The following GRIK2 variants were observed in gnomAD, a reference collection of about 807,000 sequenced individuals.
The protein encoded by GRIK2 is glutamate ionotropic receptor kainate type subunit 2, also known as glutamate receptor ionotropic, kainate 2.
In GRIK2, 32 loss-of-function variants were observed where a neutral mutation model predicts 100.3. The observed-to-expected ratio is 0.32, with a 90% CI of 0.24 to 0.43. The LOEUF is 0.43. GRIK2 is among the 20% of genes least tolerant of loss of function. The pLI is 1.00. For synonymous variants in GRIK2, 417 were observed against 389.4 expected (o/e 1.07, Z -0.83); for missense variants, 843 against 1,114.9 (o/e 0.76, Z 3.47).
chr6:101,949,802 C>T lies in GRIK2; in HGVS notation c.2085+21170C>T, dbSNP rs564207183. Among the ~76,000 whole-genome samples the T allele has an allele frequency of 4.6e-5, 7 of 152,240 alleles. No homozygotes were observed. The South Asian group carries it at 1.4e-3, about 32-fold the overall frequency. On this transcript the variant is annotated intron_variant, in intron 14 of 16. Coordinates refer to ENST00000369134, the MANE Select transcript of GRIK2 (RefSeq NM_021956.5). Reference sequence around the variant, plus strand: ...CAAGTCTTTGCTATTGTGAATAGTGCTGCAATAAACATGAGTGTACATGTG... The same window carrying T: ...CAAGTCTTTGCTATTGTGAATAGTGTTGCAATAAACATGAGTGTACATGTG...
intron 2 of GRIK2, among the ~76,000 whole-genome samples, chr6:101,486,043 T>C (rs1772808549): frequency 6.6e-6 from 1 of 152,030 alleles, no homozygotes; most frequent in African/African-American, 2.4e-5. Flanking sequence ...ATTCAATCAA[T>C]CAACCTTTTA....
chr6:101,707,673 A>T (rs1234998857), intron 7 of GRIK2, among the ~76,000 whole-genome samples: 2 of 149,186 alleles, frequency 1.3e-5, no homozygotes, highest in African/African-American at 2.5e-5. Context: ...TGCAAGCGGG[A>T]AAAGAGTGAC....
At chr6:102,001,715 C>G (rs1383036846) in intron 14 of GRIK2, among the ~76,000 whole-genome samples, 1 of 151,946 alleles carries the variant, frequency 6.6e-6, no homozygotes, top group Non-Finnish European at 1.5e-5. Context: ...TCGTGTAGTG[C>G]TACTGCTTCA....
intron 12 of GRIK2, among the ~76,000 whole-genome samples, chr6:101,909,088 G>A (rs1175075098): frequency 6.6e-6 from 1 of 150,974 alleles, no homozygotes; most frequent in African/African-American, 2.4e-5. Context: ...AAACACAAAG[G>A]TTATTCTGTA....
chr6:101,514,075 A>C (rs561783656), intron 2 of GRIK2, among the ~76,000 whole-genome samples: 1 of 152,292 alleles, frequency 6.6e-6, no homozygotes, highest in African/African-American at 2.4e-5. Context: ...AGTTGAGCAC[A>C]GCCCTAAGTA....
intron 14 of GRIK2, among the ~76,000 whole-genome samples, chr6:101,982,913 A>G (rs1194007827): frequency 6.6e-6 from 1 of 151,806 alleles, no homozygotes; most frequent in African/African-American, 2.4e-5. Flanking sequence ...AAGGTAAATC[A>G]GCTTCTTTCT....
intron 2 of GRIK2, among the ~76,000 whole-genome samples, chr6:101,486,316 T>C (rs1772824015): frequency 7.7e-6 from 1 of 129,660 alleles, no homozygotes; most frequent in African/African-American, 3.0e-5. Context: ...CAGCTTTCCA[T>C]GGGATTATTG....
At chr6:101,636,377 C>T (rs530885738) in intron 4 of GRIK2, among the ~76,000 whole-genome samples, 1 of 152,108 alleles carries the variant, frequency 6.6e-6, no homozygotes, top group South Asian at 2.1e-4. Flanking sequence ...AGAGGGATAG[C>T]ATTGGGAGAA....
At chr6:101,707,358 A>C (rs1773373865) in intron 7 of GRIK2, among the ~76,000 whole-genome samples, 1 of 150,906 alleles carries the variant, frequency 6.6e-6, no homozygotes, top group South Asian at 2.1e-4. Context: ...TCAGCAAGGT[A>C]CATAGGTTTA....
intron 14 of GRIK2, among the ~76,000 whole-genome samples, chr6:101,973,129 G>T (rs2128486476): frequency 6.6e-6 from 1 of 151,904 alleles, no homozygotes; most frequent in Middle Eastern, 3.4e-3. Flanking sequence ...ATAGAAATAT[G>T]ACCTATCTCT....
chr6:101,595,714 G>GTA (rs1213458153), intron 2 of GRIK2, among the ~76,000 whole-genome samples: 12 of 129,650 alleles, frequency 9.3e-5, no homozygotes, highest in South Asian at 7.7e-4. Flanking sequence ...GTGTGTGTGT[G>GTA]TGTGTATATA....
chr6:101,960,172 A>T (rs567235927), intron 14 of GRIK2, among the ~76,000 whole-genome samples: 4 of 150,092 alleles, frequency 2.7e-5, no homozygotes, highest in East Asian at 2.0e-4. Flanking sequence ...TATTTCAATA[A>T]TTTTTTTTAT....
At chr6:101,999,977 G>A (rs1794850185) in intron 14 of GRIK2, among the ~76,000 whole-genome samples, 1 of 151,856 alleles carries the variant, frequency 6.6e-6, no homozygotes, top group South Asian at 2.1e-4. Flanking sequence ...TTATTCTAAT[G>A]TTAAAGCAAC....
intron 2 of GRIK2, among the ~76,000 whole-genome samples, chr6:101,517,214 A>T (rs1774630212): frequency 6.6e-6 from 1 of 152,136 alleles, no homozygotes; most frequent in Non-Finnish European, 1.5e-5. Context: ...TTGTAGAGGA[A>T]GAAAAAAGAC....
chr6:101,771,307 A>G (rs1778388314), intron 7 of GRIK2, among the ~76,000 whole-genome samples: 1 of 151,938 alleles, frequency 6.6e-6, no homozygotes, highest in Admixed American at 6.6e-5. Context: ...ACAAATAGCT[A>G]GTGTGGTTTG....
chr6:102,060,290 A>G (rs1221917144), intron 16 of GRIK2, among the ~76,000 whole-genome samples: 8 of 150,858 alleles, frequency 5.3e-5, no homozygotes, highest in Non-Finnish European at 1.2e-4. Flanking sequence ...TTCAGTGTTT[A>G]GAGGAATAAC....
At chr6:101,602,420 A>G (rs687880) in intron 2 of GRIK2, among the ~76,000 whole-genome samples, 55,130 of 150,784 alleles carry the variant, frequency 0.37, 10,793 homozygotes, top group African/African-American at 0.51. Flanking sequence ...TACCTTACTG[A>G]GCAGAAAAAC....
rs372631887 is a variant in GRIK2 at position 101,758,932 on chromosome 6, C to G, written c.952-40716C>G. ...TTAATTTCAAAAGAGTAAAACTATACTACTAAAATCATATCACCATTATGG... is the reference window on the plus strand; with the variant it reads ...TTAATTTCAAAAGAGTAAAACTATAGTACTAAAATCATATCACCATTATGG... On this transcript the variant is annotated intron_variant, in intron 7 of 16. Transcript: ENST00000369134. Among the ~76,000 whole-genome samples, 11 of 152,212 alleles carry G rather than the reference C, an allele frequency of 7.2e-5. No individual in the cohort carries two copies. In the East Asian group the frequency reaches 1.9e-3, roughly 27 times the overall value.
intron 4 of GRIK2, among the ~76,000 whole-genome samples, chr6:101,674,780 G>A (rs1265753298): frequency 6.6e-6 from 1 of 152,192 alleles, no homozygotes; most frequent in Admixed American, 6.5e-5. Flanking sequence ...GCTGTTATGT[G>A]TAGAAGCTGT....
Sources: allele counts gnomAD v4.1 joint callset (sites outside exome capture counted in the v4.1 genomes callset), GRCh38; gene constraint gnomAD v4.1.1; transcripts MANE v1.5; gene names NCBI Gene and HGNC (gene_info 2026-07-23, HGNC 2026-07-21).